The following RPS6KC1 variants were observed in gnomAD, a reference collection of about 807,000 sequenced individuals.
RPS6KC1 encodes the protein ribosomal protein S6 kinase C1.
RPS6KC1 carries 54 observed loss-of-function variants against 103.8 expected under a neutral mutation model. That is an observed-to-expected ratio of 0.52 (90% CI 0.42 to 0.65). The LOEUF (loss-of-function observed/expected upper bound fraction) is 0.65, where lower values mean the gene tolerates loss of function less well. Ranked by LOEUF, RPS6KC1 falls within the 30% of genes least tolerant of loss-of-function variation. The pLI, the probability that RPS6KC1 is intolerant of heterozygous loss-of-function variation, is 0.00. For synonymous variants in RPS6KC1, 439 were observed against 438.7 expected (o/e 1.00, Z -0.01); for missense variants, 1,151 against 1,253.8 (o/e 0.92, Z 1.24).
the RPS6KC1 span, among the ~76,000 whole-genome samples, chr1:213,412,869 T>C: frequency 2.0e-5 from 3 of 152,246 alleles, no homozygotes; most frequent in Middle Eastern, 3.2e-3. Flanking sequence ...CTGTGTTCTG[T>C]TGACAGCTGA....
At chr1:213,385,167 C>T in the RPS6KC1 span, among the ~76,000 whole-genome samples, 6 of 152,272 alleles carry the variant, frequency 3.9e-5, no homozygotes, top group South Asian at 2.1e-4. Context: ...TGATGATAAG[C>T]GACTGAACAT....
intron 6 of RPS6KC1, among the ~76,000 whole-genome samples, chr1:213,161,374 G>A (rs925526738): frequency 1.3e-5 from 2 of 151,764 alleles, no homozygotes; most frequent in African/African-American, 2.4e-5. Flanking sequence ...AGGGTGGAGT[G>A]CAGGGGCACC....
the RPS6KC1 span, among the ~76,000 whole-genome samples, chr1:213,355,079 G>A: frequency 6.6e-6 from 1 of 152,138 alleles, no homozygotes; most frequent in Non-Finnish European, 1.5e-5. Context: ...TTAGTCAGGT[G>A]TGGTGGCGTA....
At chr1:213,498,750 G>A in the RPS6KC1 span, among the ~76,000 whole-genome samples, 30 of 145,762 alleles carry the variant, frequency 2.1e-4, 2 homozygotes, top group African/African-American at 6.6e-4. Flanking sequence ...CACCGTGCCC[G>A]GCCATAAGTG....
intron 12 of RPS6KC1, among the ~76,000 whole-genome samples, chr1:213,254,298 T>A (rs2094596780): frequency 6.6e-6 from 1 of 152,208 alleles, no homozygotes; most frequent in Non-Finnish European, 1.5e-5. Flanking sequence ...ATGGATGAGT[T>A]GAAATTTAAT....
At chr1:213,798,447 T>C in the RPS6KC1 span, among the ~76,000 whole-genome samples, 2 of 152,192 alleles carry the variant, frequency 1.3e-5, no homozygotes, top group African/African-American at 2.4e-5. Flanking sequence ...AGGTGTGCTC[T>C]ACCACACAGC....
intron 4 of RPS6KC1, among the ~76,000 whole-genome samples, chr1:213,116,793 A>G (rs1041074941): frequency 6.8e-6 from 1 of 147,914 alleles, no homozygotes; most frequent in African/African-American, 2.5e-5. Flanking sequence ...AAAGTATTTT[A>G]TTTCTCCTTC....
chr1:213,407,423 G>A, the RPS6KC1 span, among the ~76,000 whole-genome samples: 1 of 152,036 alleles, frequency 6.6e-6, no homozygotes, highest in Non-Finnish European at 1.5e-5. Context: ...GGAGAAGAAG[G>A]GACTGAGAGT....
At chr1:213,240,608 A>AT in intron 10 of RPS6KC1, 94 bp from the exon 11 acceptor site, 1 of 1,031,488 alleles carries the variant, frequency 9.7e-7, no homozygotes, top group Non-Finnish European at 1.4e-6. Context: ...GTTTTGATTG[A>AT]TTTTTAAGAT....
At chr1:213,083,745 A>C (rs1458387799) in intron 3 of RPS6KC1, among the ~76,000 whole-genome samples, 1 of 152,100 alleles carries the variant, frequency 6.6e-6, no homozygotes, top group Non-Finnish European at 1.5e-5. Context: ...GATGGCCCCC[A>C]GTGGTCCCTG....
the RPS6KC1 span, among the ~76,000 whole-genome samples, chr1:213,565,536 A>G: frequency 6.6e-6 from 1 of 152,234 alleles, no homozygotes; most frequent in Non-Finnish European, 1.5e-5. Context: ...ATTTATGTGC[A>G]ACTCTAGCGC....
the RPS6KC1 span, among the ~76,000 whole-genome samples, chr1:213,585,388 A>T: frequency 6.6e-6 from 1 of 151,848 alleles, no homozygotes; most frequent in Non-Finnish European, 1.5e-5. Flanking sequence ...TATTTATTCC[A>T]CACCCTCCTC....
chr1:213,152,278 G>A (rs1487428013), intron 6 of RPS6KC1, among the ~76,000 whole-genome samples: 8 of 148,422 alleles, frequency 5.4e-5, no homozygotes, highest in Admixed American at 4.0e-4. Flanking sequence ...CTGGCGGGGG[G>A]CTGATCCCCC....
chr1:213,232,292 A>G (rs764014737), intron 10 of RPS6KC1, 37 bp downstream of exon 10: 1 of 1,612,860 alleles, frequency 6.2e-7, no homozygotes, highest in African/African-American at 1.3e-5. Context: ...GCAGTGAAGA[A>G]TGTCACCTAC....
chr1:213,364,900 G>T, the RPS6KC1 span, among the ~76,000 whole-genome samples: 3 of 152,114 alleles, frequency 2.0e-5, no homozygotes. Context: ...GGAGGTTGCA[G>T]TAAGCCGAGA....
At chr1:213,774,664 A>T in the RPS6KC1 span, among the ~76,000 whole-genome samples, 1 of 152,218 alleles carries the variant, frequency 6.6e-6, no homozygotes, top group East Asian at 1.9e-4. Flanking sequence ...ACTGTGGAAT[A>T]GTCCGTGTGT....
chr1:213,068,512 A>G (rs61834090), intron 1 of RPS6KC1, among the ~76,000 whole-genome samples: 1 of 150,200 alleles, frequency 6.7e-6, no homozygotes, highest in Non-Finnish European at 1.5e-5. Context: ...AAAAAAAAGA[A>G]ACACTTATAA....
the RPS6KC1 span, among the ~76,000 whole-genome samples, chr1:213,755,296 G>T: frequency 2.6e-5 from 4 of 152,170 alleles, no homozygotes; most frequent in Non-Finnish European, 4.4e-5. Context: ...GCAACTGAAG[G>T]CTCCATGTCT....
chr1:213,121,961 C>T (rs1300567973), intron 5 of RPS6KC1, among the ~76,000 whole-genome samples: 2 of 152,088 alleles, frequency 1.3e-5, no homozygotes, highest in African/African-American at 2.4e-5. Flanking sequence ...AAGAACTCCT[C>T]AAGTGCTTAT....
Sources: allele counts gnomAD v4.1 joint callset (sites outside exome capture counted in the v4.1 genomes callset), GRCh38; gene constraint gnomAD v4.1.1; transcripts MANE v1.5; gene names NCBI Gene and HGNC (gene_info 2026-07-23, HGNC 2026-07-21).